The following TAFA1 variants were observed in gnomAD, a reference collection of about 807,000 sequenced individuals.
TAFA1 encodes the protein TAFA chemokine like family member 1, also known as chemokine-like protein TAFA-1.
Under a neutral mutation model 18.5 loss-of-function variants are expected in TAFA1, and 4 were observed. The observed-to-expected ratio is 0.22, with a 90% CI of 0.11 to 0.49. The LOEUF is 0.49. TAFA1 is among the 20% of genes least tolerant of loss of function. The pLI is 0.98. For synonymous variants in TAFA1, 56 were observed against 55.2 expected, an observed-to-expected ratio of 1.01 and a Z score of -0.06; for missense variants, 147 against 169.0, an observed-to-expected ratio of 0.87 and a Z score of 0.72.
intron 2 of TAFA1, among the ~76,000 whole-genome samples, chr3:68,245,627 T>C (rs1415317851): frequency 6.6e-6 from 1 of 152,206 alleles, no homozygotes; most frequent in African/African-American, 2.4e-5. Context: ...CATAAACATT[T>C]GATACTTTGG....
intron 2 of TAFA1, among the ~76,000 whole-genome samples, chr3:68,122,199 T>A (rs1021955863): frequency 3.9e-5 from 6 of 152,054 alleles, no homozygotes; most frequent in East Asian, 3.9e-4. Flanking sequence ...CTTTATATAT[T>A]TTTTTTAATT....
chr3:68,196,356 C>A (rs566400584), intron 2 of TAFA1, among the ~76,000 whole-genome samples: 1 of 151,746 alleles, frequency 6.6e-6, no homozygotes, highest in African/African-American at 2.4e-5. Context: ...TTTTTCTGAC[C>A]AAATACTGAC....
intron 2 of TAFA1, among the ~76,000 whole-genome samples, chr3:68,099,286 T>C (rs922265046): frequency 6.6e-6 from 1 of 152,024 alleles, no homozygotes; most frequent in African/African-American, 2.4e-5. Context: ...CCAGAATCTA[T>C]CAGGAACTTA....
At chr3:68,065,790 T>C (rs1358935953) in intron 2 of TAFA1, among the ~76,000 whole-genome samples, 1 of 112,588 alleles carries the variant, frequency 8.9e-6, no homozygotes, top group Non-Finnish European at 1.8e-5. Context: ...TATGCCTCTG[T>C]CTATTGATCA....
rs557424617 is a variant in TAFA1, at chr3:68,057,977, A to G, written c.118+51233A>G. Among the ~76,000 whole-genome samples the G allele has an allele frequency of 9.8e-5, 15 of 152,304 alleles. No homozygotes were observed. The South Asian group carries it at 2.9e-3, about 29-fold the overall frequency. ...ACCTGAAATGCATTTCAGACTTCTGATCTCACTGCAAGGTAATACATTTTT... is the reference window on the plus strand; with the variant it reads ...ACCTGAAATGCATTTCAGACTTCTGGTCTCACTGCAAGGTAATACATTTTT... On this transcript the variant is annotated intron_variant, in intron 2 of 4. Coordinates refer to ENST00000478136, the MANE Select transcript of TAFA1 (RefSeq NM_213609.4).
intron 2 of TAFA1, among the ~76,000 whole-genome samples, chr3:68,060,622 T>A (rs2064591002): frequency 6.6e-6 from 1 of 152,200 alleles, no homozygotes; most frequent in Non-Finnish European, 1.5e-5. Flanking sequence ...TGTTTGCTTA[T>A]GCATAACATT....
intron 2 of TAFA1, among the ~76,000 whole-genome samples, chr3:68,074,168 T>TTC (rs2064795363): frequency 6.6e-6 from 1 of 152,204 alleles, no homozygotes; most frequent in African/African-American, 2.4e-5. Context: ...CACAATAGAG[T>TTC]TCTTGCTCCT....
intron 2 of TAFA1, among the ~76,000 whole-genome samples, chr3:68,020,174 G>A (rs1459133512): frequency 6.6e-6 from 1 of 152,034 alleles, no homozygotes; most frequent in Non-Finnish European, 1.5e-5. Flanking sequence ...ATCAAAATGG[G>A]CCACGTAGCA....
chr3:68,053,786 C>T (rs978037417), intron 2 of TAFA1, among the ~76,000 whole-genome samples: 2 of 152,134 alleles, frequency 1.3e-5, no homozygotes, highest in Non-Finnish European at 2.9e-5. Flanking sequence ...TCACTGCAGC[C>T]TTGAACTTCC....
chr3:68,524,411 A>G (rs1235409824), intron 3 of TAFA1, among the ~76,000 whole-genome samples: 1 of 152,206 alleles, frequency 6.6e-6, no homozygotes, highest in African/African-American at 2.4e-5. Context: ...AGGACAGGCA[A>G]AGTCAGTGCA....
chr3:68,301,854 T>C (rs527650698), intron 2 of TAFA1, among the ~76,000 whole-genome samples: 1 of 152,314 alleles, frequency 6.6e-6, no homozygotes, highest in East Asian at 1.9e-4. Flanking sequence ...TTCAGAATGA[T>C]AGCATTGATT....
chr3:68,364,536 T>A (rs2069530063), intron 2 of TAFA1, among the ~76,000 whole-genome samples: 1 of 152,190 alleles, frequency 6.6e-6, no homozygotes. Flanking sequence ...AGGATGCATT[T>A]CAAGGGGAAC....
chr3:68,451,795 G>C (rs1453100349), intron 3 of TAFA1, among the ~76,000 whole-genome samples: 1 of 152,214 alleles, frequency 6.6e-6, no homozygotes, highest in Non-Finnish European at 1.5e-5. Context: ...GGGCTGGAGG[G>C]GAGAGGTGGT....
At chr3:68,043,213 G>C (rs1705203538) in intron 2 of TAFA1, among the ~76,000 whole-genome samples, 1 of 152,128 alleles carries the variant, frequency 6.6e-6, no homozygotes. Context: ...CAGAAAGAGA[G>C]TACACTGCTT....
intron 2 of TAFA1, among the ~76,000 whole-genome samples, chr3:68,222,526 A>G (rs1447498798): frequency 6.6e-6 from 1 of 152,098 alleles, no homozygotes; most frequent in Non-Finnish European, 1.5e-5. Context: ...TGATCAATAA[A>G]TTTGGTTGAA....
chr3:68,475,589 T>C (rs1312895344), intron 3 of TAFA1, among the ~76,000 whole-genome samples: 1 of 152,224 alleles, frequency 6.6e-6, no homozygotes, highest in Non-Finnish European at 1.5e-5. Flanking sequence ...TTCCAAGTCT[T>C]TGCTATTGTG....
At chr3:68,060,204 T>TTGTGTG (rs56680758) in intron 2 of TAFA1, among the ~76,000 whole-genome samples, 237 of 150,126 alleles carry the variant, frequency 1.6e-3, no homozygotes, top group African/African-American at 2.1e-3. Flanking sequence ...GTGTGTGTGT[T>TTGTGTG]TGTGTGTGTG....
rs867511629 is a variant in TAFA1 at position 68,329,089 on chromosome 3, G to T, written c.119-88191G>T. Reference sequence around the variant, plus strand: ...CAGTCTTGCTTGTGGCCACTTTTTTGTTTTTTTTTTTTTGGGACAGAGTCT... The same window carrying T: ...CAGTCTTGCTTGTGGCCACTTTTTTTTTTTTTTTTTTTTGGGACAGAGTCT... On this transcript the variant is annotated intron_variant, in intron 2 of 4. Coordinates refer to ENST00000478136, the MANE Select transcript of TAFA1 (RefSeq NM_213609.4). Among the ~76,000 whole-genome samples the T allele has an allele frequency of 6.2e-3, 750 of 120,494 alleles. 6 individuals carry two copies. Among genetic ancestry groups the T allele is most frequent in the African/African-American group, 0.018 (577 of 31,394 alleles). 79.0% of individuals were successfully genotyped at this position (120,494 alleles called of 152,430 possible).
At chr3:68,120,171 C>CTGTTTCTTTCTTTCTTTCTTTCTT (rs1178876848) in intron 2 of TAFA1, among the ~76,000 whole-genome samples, 1 of 84,436 alleles carries the variant, frequency 1.2e-5, no homozygotes, top group African/African-American at 4.5e-5. Flanking sequence ...CTCTTTCTTT[C>CTGTTTCTTTCTTTCTTTCTTTCTT]TCTTTCTTTC....
Sources: allele counts gnomAD v4.1 joint callset (sites outside exome capture counted in the v4.1 genomes callset), GRCh38; gene constraint gnomAD v4.1.1; transcripts MANE v1.5; gene names NCBI Gene and HGNC (gene_info 2026-07-23, HGNC 2026-07-21).